TRMT11: variants seen among roughly 807,000 people sequenced by gnomAD.
The protein encoded by TRMT11 is tRNA (guanine(10)-N(2))-methyltransferase TRMT11.
TRMT11 carries 53 observed loss-of-function variants against 62.8 expected under a neutral mutation model. That is an observed-to-expected ratio of 0.84 (90% confidence interval 0.68 to 1.06). TRMT11 has a LOEUF of 1.06. TRMT11 is among the 50% of genes least tolerant of loss of function. TRMT11 has a pLI of 0.00. For missense variants in TRMT11, 556 were observed against 553.4 expected (o/e 1.00, Z -0.05); for synonymous variants, 188 against 190.3 (o/e 0.99, Z 0.10).
At chr6:125,992,754 A>T (rs1294224355) in intron 1 of TRMT11, among the ~76,000 whole-genome samples, 1 of 152,186 alleles carries the variant, frequency 6.6e-6, no homozygotes, top group Non-Finnish European at 1.5e-5. Context: ...TCCTATTCAG[A>T]TTTGTGTTTT....
At chr6:126,099,788 AT>A (rs1410621547) in intron 17 of TRMT11, among the ~76,000 whole-genome samples, 1 of 152,188 alleles carries the variant, frequency 6.6e-6, no homozygotes. Flanking sequence ...AGAATAAACA[AT>A]TGTTATTTTT....
At chr6:126,159,739 C>T (rs1778167591) in intron 21 of TRMT11, among the ~76,000 whole-genome samples, 1 of 152,160 alleles carries the variant, frequency 6.6e-6, no homozygotes, top group African/African-American at 2.4e-5. Flanking sequence ...TCTGAAACCT[C>T]TAGAGGAGAA....
At chr6:126,247,568 A>G in the TRMT11 span, among the ~76,000 whole-genome samples, 1 of 146,888 alleles carries the variant, frequency 6.8e-6, no homozygotes, top group Non-Finnish European at 1.5e-5. Flanking sequence ...ATATATAAAT[A>G]TATATATATA....
chr6:126,271,737 G>A, the TRMT11 span, among the ~76,000 whole-genome samples: 28 of 152,262 alleles, frequency 1.8e-4, no homozygotes, highest in African/African-American at 4.6e-4. Flanking sequence ...GGGAGGACCC[G>A]TTGTCAATTA....
intron 21 of TRMT11, among the ~76,000 whole-genome samples, chr6:126,166,323 A>G (rs575586901): frequency 6.6e-6 from 1 of 152,066 alleles, no homozygotes; most frequent in South Asian, 2.1e-4. Flanking sequence ...GGGTTTTTGC[A>G]TGGGCATCCT....
chr6:125,999,949 A>G (rs1166371461), intron 7 of TRMT11, among the ~76,000 whole-genome samples: 1 of 152,184 alleles, frequency 6.6e-6, no homozygotes, highest in East Asian at 1.9e-4. Flanking sequence ...ACTCTTGGTG[A>G]AAGAAAGACT....
chr6:126,204,585 G>A (rs1276164236), downstream of TRMT11, among the ~76,000 whole-genome samples: 2 of 144,896 alleles, frequency 1.4e-5, no homozygotes, highest in African/African-American at 4.9e-5. Flanking sequence ...GTACTTATAT[G>A]TATGTGTTCC....
downstream of TRMT11, among the ~76,000 whole-genome samples, chr6:126,208,228 C>A (rs565069323): frequency 1.1e-3 from 168 of 152,224 alleles, no homozygotes; most frequent in African/African-American, 3.9e-3. Flanking sequence ...TTTGGAGCTT[C>A]TCATATACGT....
chr6:126,098,269 C>G (rs895461476), intron 17 of TRMT11, among the ~76,000 whole-genome samples: 2 of 152,198 alleles, frequency 1.3e-5, no homozygotes, highest in African/African-American at 2.4e-5. Context: ...AGCTCTCCCA[C>G]AGGTCTTGAC....
intron 3 of TRMT11, among the ~76,000 whole-genome samples, chr6:126,201,100 T>C (rs1778730410): frequency 6.6e-6 from 1 of 152,248 alleles, no homozygotes; most frequent in Non-Finnish European, 1.5e-5. Context: ...TATGAAATCT[T>C]GGCATCTTTA....
intron 1 of TRMT11, among the ~76,000 whole-genome samples, chr6:126,194,811 C>T (rs1778646010): frequency 6.6e-6 from 1 of 152,126 alleles, no homozygotes; most frequent in African/African-American, 2.4e-5. Context: ...ATTTACCTAT[C>T]ACCTGCAGTA....
chr6:126,005,001 G>T (rs1793139694), intron 7 of TRMT11, among the ~76,000 whole-genome samples: 1 of 152,086 alleles, frequency 6.6e-6, no homozygotes, highest in Middle Eastern at 3.4e-3. Context: ...TAAAGTGTGT[G>T]TCTCCACTTT....
At chr6:126,019,457 A>G (rs1350171874) in intron 11 of TRMT11, among the ~76,000 whole-genome samples, 6 of 152,166 alleles carry the variant, frequency 3.9e-5, no homozygotes, top group African/African-American at 1.2e-4. Context: ...TTTGGGTTTT[A>G]TAGTTATATT....
chr6:126,022,051 GTTTTTTTT>G (rs10581882), intron 12 of TRMT11, among the ~76,000 whole-genome samples: 2 of 52,272 alleles, frequency 3.8e-5, no homozygotes, highest in African/African-American at 8.2e-5. Context: ...TTTTTCCTTA[GTTTTTTTT>G]TTTTTTTTTT....
intron 18 of TRMT11, among the ~76,000 whole-genome samples, chr6:126,113,009 G>C (rs750410812): frequency 6.6e-6 from 1 of 152,022 alleles, no homozygotes; most frequent in Non-Finnish European, 1.5e-5. Flanking sequence ...TTTTGCATCT[G>C]AGTGGACAGG....
the TRMT11 span, among the ~76,000 whole-genome samples, chr6:126,265,967 G>A: frequency 1.3e-5 from 2 of 152,230 alleles, no homozygotes; most frequent in Admixed American, 6.5e-5. Context: ...ATAAACCCTT[G>A]GGTAAGGCAG....
At chr6:126,085,770 C>A (rs1229985429) in intron 17 of TRMT11, among the ~76,000 whole-genome samples, 1 of 152,122 alleles carries the variant, frequency 6.6e-6, no homozygotes, top group African/African-American at 2.4e-5. Context: ...AGATATATGT[C>A]AGTATACGTT....
chr6:126,019,780 A>G (rs1330502537), intron 11 of TRMT11, among the ~76,000 whole-genome samples: 1 of 152,200 alleles, frequency 6.6e-6, no homozygotes, highest in Non-Finnish European at 1.5e-5. Flanking sequence ...CTGAAAAAGT[A>G]AAAAAAGAAT....
upstream of TRMT11, among the ~76,000 whole-genome samples, chr6:126,173,898 T>C (rs1778356860): frequency 6.6e-6 from 1 of 152,170 alleles, no homozygotes. Flanking sequence ...CCCAGGAGAA[T>C]GTCTGGGGAA....
Sources: gnomAD v4.1 joint callset for allele counts (sites outside exome capture counted in the v4.1 genomes callset) on GRCh38, gnomAD v4.1.1 for gene constraint, MANE v1.5 for transcripts, NCBI Gene and HGNC (gene_info 2026-07-23, HGNC 2026-07-21) for gene names.